Variants in SGCZ observed in about 807,000 individuals in gnomAD.
SGCZ encodes the protein zeta-sarcoglycan.
A neutral mutation model predicts 41.3 loss-of-function variants in SGCZ; 40 were observed. The ratio of observed to expected loss-of-function variants is 0.97; its 90% CI spans 0.75 to 1.26. The LOEUF (loss-of-function observed/expected upper bound fraction) is 1.26. Among genes scored for constraint, SGCZ ranks in the 50% most tolerant of loss-of-function variants. SGCZ has a pLI of 0.00. For synonymous variants in SGCZ, 206 were observed against 137.5 expected (o/e 1.50, Z -3.49); for missense variants, 552 against 369.8 (o/e 1.49, Z -4.04).
chr8:14,634,420 A>C (rs1441894051), intron 1 of SGCZ, among the ~76,000 whole-genome samples: 1 of 151,842 alleles, frequency 6.6e-6, no homozygotes, highest in East Asian at 1.9e-4. Context: ...TCAACGCCAC[A>C]CATTTTGAGT....
chr8:15,116,458 G>C (rs1031305073), intron 1 of SGCZ, among the ~76,000 whole-genome samples: 7 of 152,130 alleles, frequency 4.6e-5, no homozygotes, highest in African/African-American at 2.4e-5. Flanking sequence ...TGAGTGAAAA[G>C]TTTAGCATAT....
intron 2 of SGCZ, among the ~76,000 whole-genome samples, chr8:14,374,105 C>A (rs1804015232): frequency 2.0e-5 from 3 of 152,180 alleles, no homozygotes; most frequent in African/African-American, 7.2e-5. Flanking sequence ...AGCCTAGGTG[C>A]AATGGCTCAC....
chr8:14,611,010 T>C (rs1223357775), intron 1 of SGCZ, among the ~76,000 whole-genome samples: 4 of 152,190 alleles, frequency 2.6e-5, no homozygotes, highest in Non-Finnish European at 4.4e-5. Context: ...CTTAAATTTA[T>C]TTTTTCATAA....
intron 2 of SGCZ, among the ~76,000 whole-genome samples, chr8:14,463,451 G>C (rs1800959172): frequency 6.9e-6 from 1 of 144,516 alleles, no homozygotes; most frequent in Non-Finnish European, 1.5e-5. Context: ...AAAGAATGAA[G>C]TTGAACCCTT....
intron 1 of SGCZ, among the ~76,000 whole-genome samples, chr8:14,803,822 T>G (rs1415023310): frequency 7.5e-6 from 1 of 133,022 alleles, no homozygotes; most frequent in African/African-American, 3.1e-5. Context: ...CAGACTTAAA[T>G]GTCCCTGTCT....
chr8:14,323,354 C>A (rs1801992715), intron 3 of SGCZ, among the ~76,000 whole-genome samples: 1 of 151,940 alleles, frequency 6.6e-6, no homozygotes, highest in South Asian at 2.1e-4. Flanking sequence ...TTTTTTCCCA[C>A]TTTTATATAA....
intron 4 of SGCZ, among the ~76,000 whole-genome samples, chr8:14,236,266 C>T (rs1040074894): frequency 2.6e-5 from 4 of 152,140 alleles, no homozygotes; most frequent in South Asian, 2.1e-4. Context: ...TTGCTAATAG[C>T]ACCCCTCTAT....
chr8:14,725,219 C>T (rs1266128531), intron 1 of SGCZ, among the ~76,000 whole-genome samples: 3 of 152,106 alleles, frequency 2.0e-5, no homozygotes, highest in African/African-American at 4.8e-5. Context: ...TGTATATAGA[C>T]CACCTTTACT....
At chr8:14,774,607 G>A (rs189672028) in intron 1 of SGCZ, among the ~76,000 whole-genome samples, 3 of 152,160 alleles carry the variant, frequency 2.0e-5, no homozygotes, top group African/African-American at 7.2e-5. Context: ...GCATTGAAAT[G>A]AATAATATGT....
chr8:15,067,472 G>T (rs954333653), intron 1 of SGCZ, among the ~76,000 whole-genome samples: 1 of 152,140 alleles, frequency 6.6e-6, no homozygotes, highest in Non-Finnish European at 1.5e-5. Flanking sequence ...CTTTACAGAG[G>T]TTATTCAATG....
chr8:15,110,528 G>A (rs1029524150), intron 1 of SGCZ, among the ~76,000 whole-genome samples: 2 of 152,190 alleles, frequency 1.3e-5, no homozygotes, highest in Non-Finnish European at 2.9e-5. Context: ...AGCCCACAGG[G>A]CAAAGGGATT....
intron 2 of SGCZ, among the ~76,000 whole-genome samples, chr8:14,532,242 T>C (rs1803154838): frequency 7.7e-6 from 1 of 129,934 alleles, no homozygotes; most frequent in Non-Finnish European, 1.8e-5. Flanking sequence ...AGCCCCAGAA[T>C]CTGAAAAAAA....
At chr8:14,234,132 A>T (rs1331198788) in intron 4 of SGCZ, among the ~76,000 whole-genome samples, 1 of 152,062 alleles carries the variant, frequency 6.6e-6, no homozygotes, top group Admixed American at 6.6e-5. Flanking sequence ...ATATCTGTCA[A>T]ATTGATTTTT....
intron 3 of SGCZ, among the ~76,000 whole-genome samples, chr8:14,251,869 C>G (rs1799298675): frequency 6.6e-6 from 1 of 152,102 alleles, no homozygotes; most frequent in African/African-American, 2.4e-5. Flanking sequence ...GCGCTCACCA[C>G]CACCTAATTT....
chr8:14,198,082 T>C (rs75541800), intron 4 of SGCZ, among the ~76,000 whole-genome samples: 6,648 of 152,266 alleles, frequency 0.044, 175 homozygotes, highest in Middle Eastern at 0.075. Flanking sequence ...TAACTGTGGT[T>C]ATTAAATGGA....
At chr8:15,048,040 T>A (rs1211187845) in intron 1 of SGCZ, among the ~76,000 whole-genome samples, 1 of 152,064 alleles carries the variant, frequency 6.6e-6, no homozygotes, top group African/African-American at 2.4e-5. Flanking sequence ...TATTTCCATA[T>A]TCATTGCACC....
chr8:14,391,446 C>G (rs1488815830), intron 2 of SGCZ, among the ~76,000 whole-genome samples: 1 of 151,994 alleles, frequency 6.6e-6, no homozygotes, highest in Admixed American at 6.6e-5. Context: ...CCATATGTAT[C>G]AAAAAAGATT....
At chr8:14,536,152 T>C (rs560287885) in intron 2 of SGCZ, among the ~76,000 whole-genome samples, 1 of 152,026 alleles carries the variant, frequency 6.6e-6, no homozygotes, top group South Asian at 2.1e-4. Context: ...AAAAGTATTT[T>C]GAAGTATATC....
At chr8:14,587,277 C>A (rs1202533690) in intron 1 of SGCZ, among the ~76,000 whole-genome samples, 1 of 149,666 alleles carries the variant, frequency 6.7e-6, no homozygotes, top group African/African-American at 2.5e-5. Flanking sequence ...TTTTAAAAAA[C>A]TGAAAAAAAT....
Sources: allele counts gnomAD v4.1 joint callset (sites outside exome capture counted in the v4.1 genomes callset), GRCh38; gene constraint gnomAD v4.1.1; transcripts MANE v1.5; gene names NCBI Gene and HGNC (gene_info 2026-07-23, HGNC 2026-07-21).